Variants in UMOD observed in about 807,000 individuals in gnomAD.
UMOD encodes the protein Tamm-Horsfall urinary glycoprotein.
A neutral mutation model predicts 66.0 loss-of-function variants in UMOD; 64 were observed. That is an observed-to-expected ratio of 0.97 (90% CI 0.79 to 1.19). UMOD has a LOEUF of 1.19. Among genes scored for constraint, UMOD ranks in the 50% most tolerant of loss-of-function variants. The pLI is 0.00. For synonymous variants in UMOD, 398 were observed against 352.7 expected (o/e 1.13, Z -1.44); for missense variants, 764 against 850.9 (o/e 0.90, Z 1.27).
At chr16:20,334,140 C>T (rs1964749608) in intron 10 of UMOD, among the ~76,000 whole-genome samples, 1 of 150,758 alleles carries the variant, frequency 6.6e-6, no homozygotes, top group Non-Finnish European at 1.5e-5. Flanking sequence ...TTAGACAATT[C>T]AGTGCCATGA....
intron 6 of UMOD, chr16:20,342,429 G>C (rs1388098140): frequency 6.6e-6 from 1 of 152,376 alleles, no homozygotes; most frequent in Non-Finnish European, 1.5e-5. Context: ...CGAGGACGGG[G>C]CCACATTGCT....
intron 4 of UMOD, among the ~76,000 whole-genome samples, chr16:20,347,269 C>T (rs984141804): frequency 5.3e-5 from 8 of 152,228 alleles, no homozygotes; most frequent in East Asian, 3.9e-4. Context: ...GTGATCTGCC[C>T]GCTGCGGCCT....
chr16:20,337,329 C>T lies in UMOD; in HGVS notation c.1702G>A (p.Val568Ile). The T allele has an allele frequency of 6.2e-7, 1 of 1,614,188 alleles. No homozygotes were observed. The change falls in exon 8 of 11, where the codon GTC (valine) becomes ATC (isoleucine). Residue 568 changes from valine to isoleucine, a missense_variant. Physicochemically the swap from Val to Ile is conservative, Grantham distance 29. Transcript: ENST00000396138. ...TCATTCATGGTGTCACAGAGATAGA[C>T]TTCACAGTGCAGGTAGACTAGGTCA... ...NYDLVYLHCE[V>I]YLCDTMNEKC...
intron 2 of UMOD, 98 bp downstream of exon 2, chr16:20,350,552 T>C (rs1391815743): frequency 2.1e-6 from 3 of 1,453,458 alleles, no homozygotes; most frequent in Non-Finnish European, 1.9e-6. Context: ...GATAGGAGGA[T>C]TGAGATCACC....
chr16:20,334,963 G>T (rs888515935), intron 10 of UMOD, among the ~76,000 whole-genome samples: 1 of 151,562 alleles, frequency 6.6e-6, no homozygotes, highest in Non-Finnish European at 1.5e-5. Context: ...CTCCCAAGTA[G>T]CTGGGAGGCG....
Position 20,344,186 on chromosome 16 carries a change from T to TTG in UMOD, c.1183-15_1183-14insCA. 2 of 567,344 alleles carry TTG rather than the reference T, an allele frequency of 3.5e-6. No homozygotes were observed. Among genetic ancestry groups the TTG allele is most frequent in the Non-Finnish European group, 5.6e-6 (2 of 354,294 alleles). The allele number at this position is 567,344 out of a possible 1,614,324, so 35.1% of individuals were successfully genotyped here. A position where few individuals can be genotyped will look rare whatever the true frequency, so the allele number is the denominator to read the frequency against. On this transcript the variant is annotated splice_polypyrimidine_tract_variant and intron_variant, in intron 5 of 10. Transcript: ENST00000396138. ...GGTTTCATTCCTCTGTTGCAGGGAA[T>TTG]GGGGGTGGAGGGGGGGTGGGGATGA...
rs1964813514 is a variant in UMOD at position 20,335,412 on chromosome 16, A to G, written c.1861+70T>C. 2.0e-6 allele frequency: 3 copies of G among 1,495,088 alleles called. No homozygotes were observed. In the African/African-American group the frequency reaches 4.1e-5, roughly 21 times the overall value. 92.6% of individuals were successfully genotyped at this position (1,495,088 alleles called of 1,614,324 possible). A position where few individuals can be genotyped will look rare whatever the true frequency, so the allele number is the denominator to read the frequency against. On this transcript the variant is annotated intron_variant, in intron 10 of 10. Transcript: ENST00000396138. ...TTATAGAGTTGCTATGAAGCATTAC[A>G]AGTTAACAGATAGAAGCCCCCCAGG...
chr16:20,340,646 G>T (rs1305310377), intron 7 of UMOD, among the ~76,000 whole-genome samples: 1 of 152,022 alleles, frequency 6.6e-6, no homozygotes, highest in Non-Finnish European at 1.5e-5. Flanking sequence ...TTTGTTGCCT[G>T]TATTTATAAT....
upstream of UMOD, among the ~76,000 whole-genome samples, chr16:20,355,382 CTTCT>C (rs545116281): frequency 1.7e-4 from 26 of 151,300 alleles, no homozygotes; most frequent in African/African-American, 4.4e-4. Flanking sequence ...TTGAAACACT[CTTCT>C]TTCTTTCTTT....
At chr16:20,346,367 G>T in intron 4 of UMOD, 33 bp from the exon 5 acceptor site, 2 of 1,612,050 alleles carry the variant, frequency 1.2e-6, no homozygotes, top group Non-Finnish European at 1.7e-6. Context: ...GAGGACGTGT[G>T]TCTATAGCTT....
rs10533543 is a variant in UMOD at position 20,340,472 on chromosome 16, G to GTATATATATATA, written c.1577+607_1577+618dup. ...TGTGTGTATATATATGTGTGTGTGT[G>GTATATATATATA]TATATATATATATATATATATAATA... On this transcript the variant is annotated intron_variant, in intron 7 of 10. Transcript: ENST00000396138. Among the ~76,000 whole-genome samples, 9 of 112,536 alleles carry GTATATATATATA rather than the reference G, an allele frequency of 8.0e-5. No homozygotes were observed. In the South Asian group the frequency reaches 2.0e-3, roughly 25 times the overall value. 73.8% of individuals were successfully genotyped at this position (112,536 alleles called of 152,430 possible).
upstream of UMOD, among the ~76,000 whole-genome samples, chr16:20,355,807 C>T (rs544951514): frequency 1.5e-3 from 227 of 152,256 alleles, no homozygotes; most frequent in African/African-American, 5.3e-3. Context: ...ACACTGTGCT[C>T]AGTGCTTTTG....
intron 6 of UMOD, among the ~76,000 whole-genome samples, chr16:20,343,369 C>T (rs78913673): frequency 0.017 from 2,543 of 152,218 alleles, 34 homozygotes; most frequent in Non-Finnish European, 0.026. Context: ...TTGCAAGGAG[C>T]GTAATTTTTA....
chr16:20,337,405 C>T lies in UMOD; in HGVS notation c.1626G>A (p.Glu542=), dbSNP rs1964944885. Residue 542 remains glutamate, a synonymous_variant, in exon 8 of 11, where the codon GAG becomes GAA. Coordinates refer to ENST00000396138, the MANE Select transcript of UMOD (RefSeq NM_003361.4). ...GGACGGAAAATCGGCCCTGGGAGGA[C>T]TCCCCATTCTCCACCACTTGGATAG... ...DSTIQVVENG[E]SSQGRFSVQM... is the part of the protein sequence containing the mutation. 6 of 1,614,172 alleles carry T rather than the reference C, an allele frequency of 3.7e-6. No homozygotes were observed. The highest frequency in any genetic ancestry group is 5.1e-6 in the Non-Finnish European group (6 of 1,180,028).
At chr16:20,340,080 T>C (rs1965106606) in intron 7 of UMOD, among the ~76,000 whole-genome samples, 2 of 152,214 alleles carry the variant, frequency 1.3e-5, no homozygotes, top group Non-Finnish European at 2.9e-5. Context: ...TTTTGAATTA[T>C]AAACCCTACT....
At position 20,337,453 on chromosome 16, in the gene UMOD, T is replaced by A; in HGVS notation, c.1578A>T (p.Arg526Ser). 1 of 1,614,214 alleles carries A rather than the reference T, an allele frequency of 6.2e-7. No homozygotes were observed. Among genetic ancestry groups the A allele is most frequent in the South Asian group, 1.1e-5 (1 of 91,076 alleles). ...DPLKYFIIQD[R>S]CPHTRDSTIQ... ...TAGTTGAGTCTCTAGTGTGTGGGCATCTGGGAGGGTTACACATCATTTAAT... is the reference window on the plus strand; with the variant it reads ...TAGTTGAGTCTCTAGTGTGTGGGCAACTGGGAGGGTTACACATCATTTAAT... The change falls in exon 8 of 11, where the codon AGA becomes AGT. Residue 526 changes from arginine (R) to serine (S), a missense_variant and splice_region_variant. Transcript: ENST00000396138.
chr16:20,351,807 C>A (rs183152798), intron 1 of UMOD, among the ~76,000 whole-genome samples: 96 of 152,134 alleles, frequency 6.3e-4, no homozygotes, highest in Non-Finnish European at 8.8e-5. Flanking sequence ...ATCACAAGGT[C>A]AGGAGTTTGA....
At chr16:20,354,116 C>T (rs563910475), upstream of UMOD, among the ~76,000 whole-genome samples, 17 of 152,258 alleles carry the variant, frequency 1.1e-4, no homozygotes, top group Middle Eastern at 3.4e-3. Flanking sequence ...TAGTATTCCA[C>T]GGTGTATATG....
chr16:20,348,818 G>A lies in UMOD; in HGVS notation c.483C>T (p.Cys161=), dbSNP rs1277228882. ...ACACGAGCGCGTCGCCCTCGGGCAC[G>A]CAGTCCAACCCCGGCCCGCAGGAGC... ...SPGSCGPGLD[C]VPEGDALVCA... Residue 161 remains cysteine, a synonymous_variant, in exon 3 of 11, where the codon TGC becomes TGT. Coordinates refer to ENST00000396138, the MANE Select transcript of UMOD (RefSeq NM_003361.4). 2 of 1,545,756 alleles carry A rather than the reference G, an allele frequency of 1.3e-6. No individual in the cohort carries two copies. The highest frequency in any genetic ancestry group is 2.4e-5 in the East Asian group (1 of 40,914).
Sources: gnomAD v4.1 joint callset for allele counts (sites outside exome capture counted in the v4.1 genomes callset) on GRCh38, gnomAD v4.1.1 for gene constraint, MANE v1.5 for transcripts, NCBI Gene and HGNC (gene_info 2026-07-23, HGNC 2026-07-21) for gene names.